Variants in OSBP2 observed in about 807,000 individuals in gnomAD.
OSBP2 encodes the protein oxysterol binding protein 2, also known as oxysterol-binding protein 2.
In OSBP2, 66 loss-of-function variants were observed where a neutral mutation model predicts 96.0. The observed-to-expected ratio is 0.69, with a 90% CI of 0.56 to 0.84. The LOEUF (loss-of-function observed/expected upper bound fraction) is 0.84. Ranked by LOEUF, OSBP2 falls within the 40% of genes least tolerant of loss-of-function variation. OSBP2 has a pLI of 0.00. For synonymous variants in OSBP2, 525 were observed against 520.9 expected (o/e 1.01, Z -0.11); for missense variants, 1,038 against 1,222.7 (o/e 0.85, Z 2.25).
intron 2 of OSBP2, among the ~76,000 whole-genome samples, chr22:30,791,871 T>C (rs2090680567): frequency 6.6e-6 from 1 of 152,232 alleles, no homozygotes; most frequent in African/African-American, 2.4e-5. Flanking sequence ...AACCCTCTTA[T>C]TCTGCCCCCA....
intron 2 of OSBP2, among the ~76,000 whole-genome samples, chr22:30,849,621 A>G (rs1362017362): frequency 6.6e-6 from 1 of 152,198 alleles, no homozygotes; most frequent in African/African-American, 2.4e-5. Flanking sequence ...AGAGTTCTTT[A>G]CATATTGTGA....
At chr22:30,833,654 G>A (rs2038575782) in intron 2 of OSBP2, among the ~76,000 whole-genome samples, 1 of 152,278 alleles carries the variant, frequency 6.6e-6, no homozygotes, top group South Asian at 2.1e-4. Context: ...GGATTTAATA[G>A]CATTTTAAAT....
At chr22:30,884,509 C>A (rs2039768535) in intron 3 of OSBP2, among the ~76,000 whole-genome samples, 2 of 152,232 alleles carry the variant, frequency 1.3e-5, no homozygotes, top group African/African-American at 4.8e-5. Context: ...CTCCAGGCCC[C>A]ATTTCACATC....
intron 12 of OSBP2, among the ~76,000 whole-genome samples, chr22:30,896,403 A>C (rs1037052797): frequency 3.9e-5 from 6 of 152,186 alleles, no homozygotes; most frequent in Non-Finnish European, 7.3e-5. Flanking sequence ...AAGTTTAGAT[A>C]ATCTTAGCAT....
intron 2 of OSBP2, among the ~76,000 whole-genome samples, chr22:30,852,733 T>G (rs2038999657): frequency 6.6e-6 from 1 of 152,166 alleles, no homozygotes; most frequent in South Asian, 2.1e-4. Flanking sequence ...ATTATTAACT[T>G]TAAATCTTTC....
At chr22:30,850,557 T>C (rs1469510207) in intron 2 of OSBP2, among the ~76,000 whole-genome samples, 1 of 152,118 alleles carries the variant, frequency 6.6e-6, no homozygotes, top group African/African-American at 2.4e-5. Flanking sequence ...TAGAGTGCAG[T>C]GGTGTGATCT....
intron 2 of OSBP2, among the ~76,000 whole-genome samples, chr22:30,821,451 A>G (rs1433001154): frequency 6.6e-6 from 1 of 152,196 alleles, no homozygotes; most frequent in African/African-American, 2.4e-5. Context: ...TGATGTGCTG[A>G]CCAACTGGAT....
chr22:30,779,678 C>A (rs1213843286), intron 2 of OSBP2, among the ~76,000 whole-genome samples: 1 of 152,106 alleles, frequency 6.6e-6, no homozygotes, highest in East Asian at 1.9e-4. Flanking sequence ...CCACATTTGC[C>A]CTTCACTGAG....
intron 2 of OSBP2, among the ~76,000 whole-genome samples, chr22:30,779,248 A>ATT (rs567486168): frequency 7.5e-5 from 9 of 119,708 alleles, no homozygotes; most frequent in Non-Finnish European, 1.0e-4. Flanking sequence ...CACCCAGCTA[A>ATT]TTTTTTTTTT....
At chr22:30,747,365 C>T (rs1015382046) in intron 2 of OSBP2, among the ~76,000 whole-genome samples, 1 of 152,094 alleles carries the variant, frequency 6.6e-6, no homozygotes, top group Non-Finnish European at 1.5e-5. Context: ...CCTGTAATTC[C>T]AACACTTTGG....
chr22:30,708,307 GAGTAGACAAT>G (rs1226803612), intron 1 of OSBP2, among the ~76,000 whole-genome samples: 2 of 152,036 alleles, frequency 1.3e-5, no homozygotes, highest in African/African-American at 4.8e-5. Flanking sequence ...ACATATATAA[GAGTAGACAAT>G]AGCATAATGA....
intron 2 of OSBP2, among the ~76,000 whole-genome samples, chr22:30,853,187 A>G (rs1286784197): frequency 1.3e-5 from 2 of 152,156 alleles, no homozygotes; most frequent in South Asian, 2.1e-4. Context: ...AGTTTTATCT[A>G]CTTCTATCAG....
At position 30,875,662 on chromosome 22, in the gene OSBP2, G is replaced by A. The variant is rs567040300; in HGVS notation, c.1107+4980G>A. ...GCTGAGATTACAGGAGTGAGCCACCGCGCCTGGCCCTGGCAGGGTTCTTTC... is the reference window on the plus strand; with the variant it reads ...GCTGAGATTACAGGAGTGAGCCACCACGCCTGGCCCTGGCAGGGTTCTTTC... On this transcript the variant is annotated intron_variant, in intron 3 of 13. Coordinates refer to ENST00000332585, the MANE Select transcript of OSBP2 (RefSeq NM_030758.4). 8.5e-4 allele frequency among the ~76,000 whole-genome samples: 129 copies of A among 152,276 alleles called. No individual in the cohort carries two copies. The South Asian group carries it at 0.014, about 17-fold the overall frequency.
At chr22:30,858,820 A>G (rs1277236835) in intron 2 of OSBP2, among the ~76,000 whole-genome samples, 1 of 151,714 alleles carries the variant, frequency 6.6e-6, no homozygotes, top group African/African-American at 2.4e-5. Context: ...TGGAGGTTGC[A>G]GTGAGCCAAT....
intron 1 of OSBP2, among the ~76,000 whole-genome samples, chr22:30,732,092 T>C (rs1340444780): frequency 6.6e-6 from 1 of 152,076 alleles, no homozygotes; most frequent in Non-Finnish European, 1.5e-5. Context: ...TCACCTGAGG[T>C]CAGGGGTTCA....
chr22:30,698,930 A>G (rs1422959032), intron 1 of OSBP2, among the ~76,000 whole-genome samples: 4 of 151,144 alleles, frequency 2.6e-5, no homozygotes, highest in Admixed American at 6.6e-5. Context: ...TTAAAAGTCC[A>G]TATTTTTTAT....
chr22:30,735,410 C>CTTT (rs774749546), intron 1 of OSBP2, among the ~76,000 whole-genome samples: 1,127 of 100,662 alleles, frequency 0.011, 9 homozygotes, highest in Non-Finnish European at 0.013. Flanking sequence ...TCTTCTCTCT[C>CTTT]TTTTTTTTTT....
chr22:30,902,581 G>C (rs1447763459), intron 12 of OSBP2: 2 of 857,138 alleles, frequency 2.3e-6, no homozygotes, highest in Non-Finnish European at 3.9e-6. Context: ...CAACTGGGCA[G>C]CCACTTCAGA....
intron 2 of OSBP2, among the ~76,000 whole-genome samples, chr22:30,779,785 T>C (rs554503707): frequency 6.6e-6 from 1 of 152,144 alleles, no homozygotes; most frequent in East Asian, 1.9e-4. Context: ...AAAGGAGGGG[T>C]CCAGCCTCAT....
Sources: gnomAD v4.1 joint callset for allele counts (sites outside exome capture counted in the v4.1 genomes callset) on GRCh38, gnomAD v4.1.1 for gene constraint, MANE v1.5 for transcripts, NCBI Gene and HGNC (gene_info 2026-07-23, HGNC 2026-07-21) for gene names.